The following DPP10 variants were observed in gnomAD, a reference collection of about 807,000 sequenced individuals.
DPP10 encodes the protein inactive dipeptidyl peptidase 10.
DPP10 carries 33 observed loss-of-function variants against 120.9 expected under a neutral mutation model. The observed-to-expected ratio is 0.27, with a 90% CI of 0.21 to 0.37. DPP10 has a LOEUF of 0.37. Ranked by LOEUF, DPP10 falls within the 10% of genes least tolerant of loss-of-function variation. The pLI is 1.00. For synonymous variants in DPP10, 337 were observed against 326.1 expected, an observed-to-expected ratio of 1.03 and a Z score of -0.36; for missense variants, 816 against 942.8, an observed-to-expected ratio of 0.87 and a Z score of 1.76.
At position 115,402,635 on chromosome 2, in the gene DPP10, T is replaced by A. The variant is rs1333037710; in HGVS notation, c.271+58723T>A. Among the ~76,000 whole-genome samples, 28 of 145,080 alleles carry A rather than the reference T, an allele frequency of 1.9e-4. No individual in the cohort carries two copies. In the East Asian group the frequency reaches 5.4e-3, roughly 28 times the overall value. ...AGCAATAATGAACACAGAGACTGAATCAGTTTAAAAAAAAAAAAAAGTCTT... is the reference window on the plus strand; with the variant it reads ...AGCAATAATGAACACAGAGACTGAAACAGTTTAAAAAAAAAAAAAAGTCTT... On this transcript the variant is annotated intron_variant, in intron 3 of 25. Transcript: ENST00000410059.
chr2:115,292,319 CTT>C (rs765692135), intron 1 of DPP10, among the ~76,000 whole-genome samples: 14 of 152,008 alleles, frequency 9.2e-5, no homozygotes, highest in Admixed American at 2.6e-4. Flanking sequence ...AGTCTAAACT[CTT>C]TTGATTTTAT....
chr2:115,644,320 A>C (rs1252292284), intron 5 of DPP10, among the ~76,000 whole-genome samples: 2 of 151,038 alleles, frequency 1.3e-5, no homozygotes, highest in East Asian at 3.9e-4. Flanking sequence ...CCCTCCGCCC[A>C]CTCCGCAACA....
At chr2:115,435,994 CTT>C (rs2071459302) in intron 3 of DPP10, among the ~76,000 whole-genome samples, 2 of 151,690 alleles carry the variant, frequency 1.3e-5, no homozygotes, top group South Asian at 4.1e-4. Flanking sequence ...AGTGGACAAA[CTT>C]TTAATTTTTC....
intron 1 of DPP10, among the ~76,000 whole-genome samples, chr2:114,775,476 G>A (rs563334895): frequency 1.6e-4 from 25 of 152,232 alleles, no homozygotes; most frequent in African/African-American, 6.0e-4. Context: ...AGCAACTCAA[G>A]GGTCAGCATT....
At chr2:114,798,107 A>G (rs1363763716) in intron 1 of DPP10, among the ~76,000 whole-genome samples, 1 of 152,180 alleles carries the variant, frequency 6.6e-6, no homozygotes, top group Non-Finnish European at 1.5e-5. Flanking sequence ...CAATCTGTCA[A>G]GGTCCCGAAA....
At chr2:115,313,973 C>T (rs1185608814) in intron 2 of DPP10, among the ~76,000 whole-genome samples, 3 of 152,116 alleles carry the variant, frequency 2.0e-5, no homozygotes, top group African/African-American at 4.8e-5. Flanking sequence ...AATAATTATA[C>T]TCTACAAATA....
chr2:114,581,415 C>T (rs1038966584), intron 1 of DPP10, among the ~76,000 whole-genome samples: 1 of 151,980 alleles, frequency 6.6e-6, no homozygotes, highest in Non-Finnish European at 1.5e-5. Context: ...GACCTCCTGA[C>T]CTGGTGATCA....
At position 114,955,301 on chromosome 2, in the gene DPP10, C is replaced by A. The variant is rs139422365; in HGVS notation, c.61-353938C>A. Among the ~76,000 whole-genome samples, 292 of 152,236 alleles carry A rather than the reference C, an allele frequency of 1.9e-3. 1 individual carries two copies. Among genetic ancestry groups the A allele is most frequent in the African/African-American group, 6.7e-3 (278 of 41,536 alleles). On this transcript the variant is annotated intron_variant, in intron 1 of 25. Transcript: ENST00000410059. ...ACTCTTGTCACCATTTTGGTTTTGG[C>A]CGGCTCCTTTACTGCAACCTGTTTT...
intron 1 of DPP10, among the ~76,000 whole-genome samples, chr2:114,673,957 A>T (rs1698510332): frequency 6.6e-6 from 1 of 152,126 alleles, no homozygotes; most frequent in South Asian, 2.1e-4. Context: ...TCAGGAAACA[A>T]GGGATTTTCA....
chr2:114,967,990 T>G (rs912151243), intron 1 of DPP10, among the ~76,000 whole-genome samples: 2 of 152,096 alleles, frequency 1.3e-5, no homozygotes, highest in Admixed American at 1.3e-4. Context: ...GCATATCAAG[T>G]GTAAAAATCT....
intron 1 of DPP10, among the ~76,000 whole-genome samples, chr2:114,536,727 G>A (rs1044975629): frequency 1.3e-5 from 2 of 152,004 alleles, no homozygotes; most frequent in Non-Finnish European, 2.9e-5. Flanking sequence ...TTCTTCATGA[G>A]CTGTTTAATT....
rs143841004 is a variant in DPP10 at position 115,114,746 on chromosome 2, G to A, written c.61-194493G>A. Among the ~76,000 whole-genome samples the A allele has an allele frequency of 1.5e-3, 221 of 152,140 alleles. 1 individual carries two copies. Among genetic ancestry groups the A allele is most frequent in the Middle Eastern group, 0.014 (4 of 294 alleles). ...TAAAATTTCTTTCACATCATTTTAT[G>A]TCACACTAGTAAGAAATACTAGAAT... On this transcript the variant is annotated intron_variant, in intron 1 of 25. Transcript: ENST00000410059.
chr2:115,531,865 T>C (rs549952252), intron 5 of DPP10, among the ~76,000 whole-genome samples: 2 of 152,238 alleles, frequency 1.3e-5, no homozygotes, highest in South Asian at 2.1e-4. Context: ...TTTTGCACTT[T>C]AGGTAAATTC....
At chr2:115,059,442 C>T (rs977385206) in intron 1 of DPP10, among the ~76,000 whole-genome samples, 1 of 150,492 alleles carries the variant, frequency 6.6e-6, no homozygotes, top group African/African-American at 2.4e-5. Context: ...GGCTCCGTCA[C>T]TCCTAGGACA....
At chr2:115,004,744 G>A (rs996705062) in intron 1 of DPP10, among the ~76,000 whole-genome samples, 1 of 152,150 alleles carries the variant, frequency 6.6e-6, no homozygotes, top group East Asian at 1.9e-4. Context: ...CTGATTGCTA[G>A]CACAGCAGTC....
intron 5 of DPP10, among the ~76,000 whole-genome samples, chr2:115,683,465 C>T (rs944154685): frequency 6.6e-6 from 1 of 151,764 alleles, no homozygotes; most frequent in Non-Finnish European, 1.5e-5. Flanking sequence ...TATACAACAT[C>T]AAGAGTAAAC....
rs78836717 is a variant in DPP10 at position 115,076,350 on chromosome 2, C to G, written c.61-232889C>G. 7.6e-3 allele frequency among the ~76,000 whole-genome samples: 1,016 copies of G among 133,696 alleles called. 14 individuals are homozygous for G. Among genetic ancestry groups the G allele is most frequent in the African/African-American group, 0.029 (973 of 33,810 alleles). 87.7% of individuals were successfully genotyped at this position (133,696 alleles called of 152,430 possible). On this transcript the variant is annotated intron_variant, in intron 1 of 25. Coordinates refer to ENST00000410059, the MANE Select transcript of DPP10 (RefSeq NM_020868.6). ...CTTCCCTCCTCCTCCACTATACATA[C>G]AATTAGGAATTCAGTGCACATAAAA...
intron 1 of DPP10, among the ~76,000 whole-genome samples, chr2:115,014,318 C>A (rs533988816): frequency 6.6e-6 from 1 of 152,104 alleles, no homozygotes; most frequent in African/African-American, 2.4e-5. Context: ...CACAATATAG[C>A]AGAATCTCTG....
At chr2:114,669,110 T>C (rs1057054119) in intron 1 of DPP10, among the ~76,000 whole-genome samples, 3 of 152,126 alleles carry the variant, frequency 2.0e-5, no homozygotes, top group Non-Finnish European at 4.4e-5. Flanking sequence ...TGCATCTACT[T>C]TCTTGTTGTT....
Sources: gnomAD v4.1 joint callset for allele counts (sites outside exome capture counted in the v4.1 genomes callset) on GRCh38, gnomAD v4.1.1 for gene constraint, MANE v1.5 for transcripts, NCBI Gene and HGNC (gene_info 2026-07-23, HGNC 2026-07-21) for gene names.